The following PLCL1 variants were observed in gnomAD, a reference collection of about 807,000 sequenced individuals.
The protein encoded by PLCL1 is inactive phospholipase C-like protein 1.
Under a neutral mutation model 84.4 loss-of-function variants are expected in PLCL1, and 41 were observed. The observed-to-expected ratio is 0.49, with a 90% CI of 0.38 to 0.63. The LOEUF is 0.63. PLCL1 is among the 30% of genes least tolerant of loss of function. The pLI is 0.00. For synonymous variants in PLCL1, 490 were observed against 488.3 expected (o/e 1.00, Z -0.05); for missense variants, 1,206 against 1,367.8 (o/e 0.88, Z 1.87).
intron 1 of PLCL1, among the ~76,000 whole-genome samples, chr2:197,816,068 T>C (rs1690680664): frequency 6.6e-6 from 1 of 152,158 alleles, no homozygotes; most frequent in Non-Finnish European, 1.5e-5. Context: ...TAAAATGCTA[T>C]CAAACAGCAT....
At chr2:198,098,091 T>C (rs1693244200) in intron 3 of PLCL1, among the ~76,000 whole-genome samples, 1 of 152,198 alleles carries the variant, frequency 6.6e-6, no homozygotes, top group African/African-American at 2.4e-5. Context: ...TCTGAAAAGA[T>C]GAGCCACTGC....
chr2:198,030,005 T>A (rs993872800), intron 1 of PLCL1, among the ~76,000 whole-genome samples: 1 of 152,034 alleles, frequency 6.6e-6, no homozygotes, highest in Non-Finnish European at 1.5e-5. Flanking sequence ...AGGCCTTTCT[T>A]TCTTTTTTTA....
chr2:198,062,441 T>G (rs1692226044), intron 1 of PLCL1, among the ~76,000 whole-genome samples: 1 of 152,212 alleles, frequency 6.6e-6, no homozygotes, highest in Non-Finnish European at 1.5e-5. Context: ...TTATATATAC[T>G]TCTCTAGAAC....
At chr2:197,900,078 A>G (rs983793623) in intron 1 of PLCL1, among the ~76,000 whole-genome samples, 2 of 152,170 alleles carry the variant, frequency 1.3e-5, no homozygotes, top group African/African-American at 4.8e-5. Flanking sequence ...TTTTCTTTAT[A>G]GCACTTAACA....
At chr2:198,127,101 T>A (rs748871328) in intron 5 of PLCL1, among the ~76,000 whole-genome samples, 19 of 152,000 alleles carry the variant, frequency 1.3e-4, no homozygotes, top group Non-Finnish European at 2.5e-4. Flanking sequence ...CTGATGTTAG[T>A]AGGCAGTTTG....
rs191588919 is a variant in PLCL1, at chr2:197,840,755, C to T, written c.240+35416C>T. ...GATGTGTGGCCCAATGATCCTCATA[C>T]GTGGAAGCCGAATGGACCATAGCAC... On this transcript the variant is annotated intron_variant, in intron 1 of 5. Transcript: ENST00000428675. 5.9e-5 allele frequency among the ~76,000 whole-genome samples: 9 copies of T among 152,258 alleles called. No homozygotes were observed. The East Asian group carries it at 1.2e-3, about 20-fold the overall frequency.
intron 1 of PLCL1, among the ~76,000 whole-genome samples, chr2:198,007,636 C>T (rs1316997700): frequency 6.6e-6 from 1 of 152,000 alleles, no homozygotes; most frequent in Non-Finnish European, 1.5e-5. Context: ...GAATGTTAAC[C>T]CTCTCTTTTA....
chr2:197,968,304 C>A (rs1466825972), intron 1 of PLCL1, among the ~76,000 whole-genome samples: 1 of 152,176 alleles, frequency 6.6e-6, no homozygotes, highest in Non-Finnish European at 1.5e-5. Flanking sequence ...AACCCAGGAA[C>A]TATGTCAGCC....
At chr2:198,077,604 A>G (rs983553894) in intron 1 of PLCL1, among the ~76,000 whole-genome samples, 3 of 152,090 alleles carry the variant, frequency 2.0e-5, no homozygotes, top group African/African-American at 7.2e-5. Context: ...GCTTTTATTT[A>G]ATAGGTGACT....
intron 4 of PLCL1, among the ~76,000 whole-genome samples, 178 bp downstream of exon 4, chr2:198,101,538 T>A (rs1227166676): frequency 6.6e-6 from 1 of 152,004 alleles, no homozygotes; most frequent in Admixed American, 6.6e-5. Context: ...ACAGATGAAA[T>A]CCAAGTGATA....
At chr2:197,850,482 T>A (rs973145522) in intron 1 of PLCL1, among the ~76,000 whole-genome samples, 1 of 152,126 alleles carries the variant, frequency 6.6e-6, no homozygotes, top group Non-Finnish European at 1.5e-5. Flanking sequence ...AAATAGAGAA[T>A]GCATGTAGGA....
At chr2:197,906,640 A>C (rs921170275) in intron 1 of PLCL1, among the ~76,000 whole-genome samples, 2 of 152,138 alleles carry the variant, frequency 1.3e-5, no homozygotes, top group Admixed American at 1.3e-4. Flanking sequence ...CGAATCTATA[A>C]ATTACTTTGG....
At chr2:197,996,785 A>G (rs1054846991) in intron 1 of PLCL1, among the ~76,000 whole-genome samples, 1 of 152,204 alleles carries the variant, frequency 6.6e-6, no homozygotes, top group Admixed American at 6.5e-5. Flanking sequence ...ATCAGAATGC[A>G]GGCTGTAGTA....
At chr2:197,871,045 A>G (rs1227976391) in intron 1 of PLCL1, among the ~76,000 whole-genome samples, 3 of 152,026 alleles carry the variant, frequency 2.0e-5, no homozygotes, top group Non-Finnish European at 4.4e-5. Context: ...CGTGTTTGGG[A>G]TGGTGTTAGA....
intron 5 of PLCL1, among the ~76,000 whole-genome samples, chr2:198,119,025 T>C (rs1379861299): frequency 2.0e-5 from 3 of 151,990 alleles, no homozygotes; most frequent in African/African-American, 7.2e-5. Flanking sequence ...TGAAGCACAG[T>C]AGAGAAGCCC....
At chr2:197,964,126 T>C (rs1231180520) in intron 1 of PLCL1, among the ~76,000 whole-genome samples, 2 of 152,154 alleles carry the variant, frequency 1.3e-5, no homozygotes, top group African/African-American at 4.8e-5. Flanking sequence ...TTGTTTTCTC[T>C]CTGTGAAGAA....
chr2:197,898,486 T>C (rs1688197810), intron 1 of PLCL1, among the ~76,000 whole-genome samples: 1 of 152,142 alleles, frequency 6.6e-6, no homozygotes. Flanking sequence ...AGATGCTTAA[T>C]GTGTCATTTG....
chr2:198,100,613 A>G (rs1002221766), intron 3 of PLCL1, among the ~76,000 whole-genome samples: 36 of 152,122 alleles, frequency 2.4e-4, no homozygotes, highest in Non-Finnish European at 4.3e-4. Flanking sequence ...TCATTCAGTA[A>G]GCAAGGGAGA....
intron 1 of PLCL1, among the ~76,000 whole-genome samples, chr2:197,985,951 G>T (rs1690210471): frequency 6.6e-6 from 1 of 152,196 alleles, no homozygotes; most frequent in South Asian, 2.1e-4. Context: ...GATTAGTGGT[G>T]AGATCCTCTG....
Sources: allele counts gnomAD v4.1 joint callset (sites outside exome capture counted in the v4.1 genomes callset), GRCh38; gene constraint gnomAD v4.1.1; transcripts MANE v1.5; gene names NCBI Gene and HGNC (gene_info 2026-07-23, HGNC 2026-07-21).